Variants in LIMS2 observed in about 807,000 individuals in gnomAD.
The protein encoded by LIMS2 is LIM zinc finger domain containing 2.
Under a neutral mutation model 45.3 loss-of-function variants are expected in LIMS2, and 30 were observed. That is an observed-to-expected ratio of 0.66 (90% CI 0.50 to 0.90). The LOEUF is 0.90. Ranked by LOEUF, LIMS2 falls within the 40% of genes least tolerant of loss-of-function variation. LIMS2 has a pLI of 0.00. For synonymous variants in LIMS2, 173 were observed against 188.0 expected (o/e 0.92, Z 0.65); for missense variants, 485 against 468.7 (o/e 1.03, Z -0.32).
At position 127,667,825 on chromosome 2, in the gene LIMS2, C is replaced by A. The variant is rs933327570; in HGVS notation, c.11+7189G>T. ...TGTTTTCAACATTGCACTGCAGATTCTATCAAGGACAGTTAGACAAGAAAA... is the reference window on the plus strand; with the variant it reads ...TGTTTTCAACATTGCACTGCAGATTATATCAAGGACAGTTAGACAAGAAAA... On this transcript the variant is annotated intron_variant, in intron 1 of 9. Transcript: ENST00000355119. This position sits in a 1 kb window ranked among gnomAD's most constrained non-coding sequence, Gnocchi z 4.1. Among the ~76,000 whole-genome samples, 29 of 152,294 alleles carry A rather than the reference C, an allele frequency of 1.9e-4. No homozygotes were observed. The highest frequency in any genetic ancestry group is 7.0e-4 in the African/African-American group (29 of 41,564).
At position 127,642,375 on chromosome 2, in the gene LIMS2, G is replaced by T; in HGVS notation, c.510-176C>A. 1.5e-6 allele frequency: 1 copy of T among 663,888 alleles called. No individual in the cohort carries two copies. The highest frequency in any genetic ancestry group is 2.4e-6 in the Non-Finnish European group (1 of 412,082). The allele number at this position is 663,888 out of a possible 1,614,324, so 41.1% of individuals were successfully genotyped here. A position where few individuals can be genotyped will look rare whatever the true frequency, so the allele number is the denominator to read the frequency against. On this transcript the variant is annotated intron_variant, in intron 5 of 9. Transcript: ENST00000355119. This position sits in a 1 kb window ranked among gnomAD's most constrained non-coding sequence, Gnocchi z 5.3. ...TGAAGACTTCCTGTGCCCCAGACAG[G>T]CCCTGGAGCACAGACTTCCTGCACA...
In LIMS2 at chr2:127,654,509, T is replaced by C; in HGVS notation, c.274A>G (p.Asn92Asp). The change falls in exon 4 of 10, where the codon AAC becomes GAC. Residue 92 changes from asparagine (N) to aspartate (D), a missense_variant. Transcript: ENST00000355119. ...AAGCAGCCCGGGTGCCAGTTGTTGT[T>C]CATGGCCTTGATGACGCGGCCAATG... is the stretch of plus-strand genomic sequence containing the variant. ...FIIGRVIKAM[N>D]NNWHPGCFRC... The C allele has an allele frequency of 1.2e-6, 2 of 1,614,136 alleles. No individual in the cohort carries two copies. The highest frequency in any genetic ancestry group is 1.7e-6 in the Non-Finnish European group (2 of 1,180,008).
Position 127,642,265 on chromosome 2 carries a change from C to T in LIMS2, c.510-66G>A. The T allele has an allele frequency of 7.0e-7, 1 of 1,425,766 alleles. No homozygotes were observed. The highest frequency in any genetic ancestry group is 2.6e-5 in the East Asian group (1 of 38,546). 88.3% of individuals were successfully genotyped at this position (1,425,766 alleles called of 1,614,324 possible). A position where few individuals can be genotyped will look rare whatever the true frequency, so the allele number is the denominator to read the frequency against. On this transcript the variant is annotated intron_variant, in intron 5 of 9. Transcript: ENST00000355119. This position sits in a 1 kb window ranked among gnomAD's most constrained non-coding sequence, Gnocchi z 5.3. Reference sequence around the variant, plus strand: ...TTCTGCAGGGTCATGCCAGCAGCGCCTCCACCCCAGGGCACGGCTCCCCGA... The same window carrying T: ...TTCTGCAGGGTCATGCCAGCAGCGCTTCCACCCCAGGGCACGGCTCCCCGA...
At chr2:127,650,770 T>C (rs1484328108) in intron 4 of LIMS2, 2 of 1,613,876 alleles carry the variant, frequency 1.2e-6, no homozygotes, top group Admixed American at 1.7e-5. Flanking sequence ...CCAGGTCTGA[T>C]CACCAACTTC....
At chr2:127,673,518 G>A (rs985676772) in intron 1 of LIMS2, among the ~76,000 whole-genome samples, 2 of 152,142 alleles carry the variant, frequency 1.3e-5, no homozygotes, top group African/African-American at 4.8e-5. Context: ...CTCACCTGAC[G>A]GCCTCCGTCT....
chr2:127,673,037 C>A (rs1261004049), intron 1 of LIMS2, among the ~76,000 whole-genome samples: 5 of 152,198 alleles, frequency 3.3e-5, no homozygotes, highest in Non-Finnish European at 7.3e-5. Flanking sequence ...AACTCTCGCC[C>A]ACTCCGAAGG....
intron 2 of LIMS2, 116 bp downstream of exon 2, chr2:127,657,287 C>T (rs1416540340): frequency 8.1e-7 from 1 of 1,235,174 alleles, no homozygotes; most frequent in East Asian, 2.4e-5. Context: ...TGGTTCTGGG[C>T]TGGCTCCAGA....
chr2:127,672,368 C>T lies in LIMS2; in HGVS notation c.11+2646G>A, dbSNP rs1000226030. On this transcript the variant is annotated intron_variant, in intron 1 of 9. Coordinates refer to ENST00000355119, the MANE Select transcript of LIMS2 (RefSeq NM_001161403.3). This position sits in a 1 kb window ranked among gnomAD's most constrained non-coding sequence, Gnocchi z 4.9. ...ACGGCGTGCCACCCCATGCTCTGGG[C>T]TGCCTTCACTCCCTGCCCAGCTGGC... Among the ~76,000 whole-genome samples, 2 of 152,160 alleles carry T rather than the reference C, an allele frequency of 1.3e-5. No individual in the cohort carries two copies. Among genetic ancestry groups the T allele is most frequent in the Admixed American group, 6.5e-5 (1 of 15,282 alleles).
intron 4 of LIMS2, among the ~76,000 whole-genome samples, chr2:127,645,179 C>G (rs909407274): frequency 6.6e-6 from 1 of 152,172 alleles, no homozygotes; most frequent in Non-Finnish European, 1.5e-5. Flanking sequence ...TCTTCATTTG[C>G]CTGAGCCTCA....
In LIMS2 at chr2:127,654,583, G is replaced by A. The variant is rs368220536; in HGVS notation, c.239-39C>T. On this transcript the variant is annotated intron_variant, in intron 3 of 9. Coordinates refer to ENST00000355119, the MANE Select transcript of LIMS2 (RefSeq NM_001161403.3). ...GGTCCCTGCTGGCTGGGGAGCACGT[G>A]CCTGTCCCCTCTTCGGACCCTCCCA... The A allele has an allele frequency of 7.1e-5, 114 of 1,613,450 alleles. 2 individuals carry two copies. The African/African-American group carries it at 1.2e-3, about 17-fold the overall frequency.
Position 127,642,902 on chromosome 2 carries a change from A to G in LIMS2, c.509+21T>C. 1.3e-6 allele frequency: 2 copies of G among 1,551,750 alleles called. No homozygotes were observed. Among genetic ancestry groups the G allele is most frequent in the Non-Finnish European group, 8.7e-7 (1 of 1,146,934 alleles). Reference sequence around the variant, plus strand: ...CCTGGCTCCCCGCCCCCACAACTGCAGGGCCGGGCTGCGCACCTACCCACA... The same window carrying G: ...CCTGGCTCCCCGCCCCCACAACTGCGGGGCCGGGCTGCGCACCTACCCACA... On this transcript the variant is annotated intron_variant, in intron 5 of 9. Coordinates refer to ENST00000355119, the MANE Select transcript of LIMS2 (RefSeq NM_001161403.3). The surrounding 1 kb of genome is among the most constrained non-coding windows in gnomAD (Gnocchi z 5.3).
intron 1 of LIMS2, among the ~76,000 whole-genome samples, chr2:127,657,947 C>T (rs1684373307): frequency 6.6e-6 from 1 of 152,236 alleles, no homozygotes; most frequent in Admixed American, 6.5e-5. Flanking sequence ...GGTTGAGTAA[C>T]TTGCCCAAGC....
chr2:127,651,863 T>A, intron 4 of LIMS2: 1 of 999,924 alleles, frequency 1.0e-6, no homozygotes, highest in Non-Finnish European at 1.5e-6. Context: ...ACCTGAAATC[T>A]CAGCAGATGC....
chr2:127,661,501 A>T (rs549146315), intron 1 of LIMS2, among the ~76,000 whole-genome samples: 3 of 152,314 alleles, frequency 2.0e-5, no homozygotes, highest in African/African-American at 7.2e-5. Flanking sequence ...TGGACATTCC[A>T]TGTCCTCCTT....
In LIMS2 at chr2:127,654,826, T is replaced by C. The variant is rs1358031819; in HGVS notation, c.238+4A>G. 2 of 1,614,076 alleles carry C rather than the reference T, an allele frequency of 1.2e-6. No homozygotes were observed. Among genetic ancestry groups the C allele is most frequent in the Non-Finnish European group, 8.5e-7 (1 of 1,179,966 alleles). On this transcript the variant is annotated splice_donor_region_variant and intron_variant, in intron 3 of 9. Coordinates refer to ENST00000355119, the MANE Select transcript of LIMS2 (RefSeq NM_001161403.3). ...CCCAGGATGTGTACTGTCACCGGCC[T>C]TACCGCAGGATCCACAGCACGGAGC...
intron 1 of LIMS2, among the ~76,000 whole-genome samples, chr2:127,661,670 C>T (rs1177299156): frequency 4.6e-5 from 7 of 152,208 alleles, no homozygotes; most frequent in Non-Finnish European, 1.0e-4. Context: ...CCATCTCATG[C>T]CCTTCCTCAG....
intron 9 of LIMS2, 115 bp downstream of exon 9, chr2:127,639,955 G>T: frequency 8.7e-7 from 1 of 1,144,742 alleles, no homozygotes; most frequent in Non-Finnish European, 1.3e-6. Context: ...GCTGCCCCTT[G>T]TCCCCACCAT....
intron 2 of LIMS2, 152 bp from the exon 3 acceptor site, chr2:127,655,048 G>T (rs1263186442): frequency 4.0e-6 from 3 of 741,470 alleles, no homozygotes; most frequent in Non-Finnish European, 7.2e-6. Context: ...TCCCAGGCCT[G>T]GCCAGAGAGG....
At chr2:127,665,592 G>T (rs1167270873) in intron 1 of LIMS2, among the ~76,000 whole-genome samples, 1 of 152,230 alleles carries the variant, frequency 6.6e-6, no homozygotes, top group Non-Finnish European at 1.5e-5. Flanking sequence ...GGGCTAAAGG[G>T]CATGGAGAAG....
Sources: gnomAD v4.1 joint callset for allele counts (sites outside exome capture counted in the v4.1 genomes callset) on GRCh38, gnomAD v4.1.1 for gene constraint, Gnocchi (gnomAD v3.1) non-coding constraint, MANE v1.5 for transcripts, NCBI Gene and HGNC (gene_info 2026-07-23, HGNC 2026-07-21) for gene names.